The following DRC9 variants were observed in gnomAD, a reference collection of about 807,000 sequenced individuals.
DRC9 encodes dynein regulatory complex protein 9.
the DRC9 span, among the ~76,000 whole-genome samples, chr3:197,922,017 C>T: frequency 7.2e-6 from 1 of 139,036 alleles, no homozygotes; most frequent in African/African-American, 2.9e-5. Flanking sequence ...TCTTGGTCGA[C>T]CCGACTACTG....
chr3:197,933,975 TAAAAAA>T, the DRC9 span, among the ~76,000 whole-genome samples: 1 of 109,512 alleles, frequency 9.1e-6, no homozygotes, highest in African/African-American at 3.4e-5. Context: ...CTCACCCAGC[TAAAAAA>T]AAAAAAAAAA....
the DRC9 span, among the ~76,000 whole-genome samples, chr3:197,935,690 C>A: frequency 1.3e-5 from 2 of 151,768 alleles, no homozygotes; most frequent in Non-Finnish European, 2.9e-5. Context: ...GCTATGTTGC[C>A]CAGGCTGGTC....
the DRC9 span, among the ~76,000 whole-genome samples, chr3:197,890,360 G>C: frequency 6.6e-6 from 1 of 151,640 alleles, no homozygotes; most frequent in Non-Finnish European, 1.5e-5. Flanking sequence ...AGCAGAGATT[G>C]CGCCACTGCA....
chr3:197,946,759 G>A, the DRC9 span, among the ~76,000 whole-genome samples: 4 of 152,150 alleles, frequency 2.6e-5, no homozygotes, highest in Admixed American at 1.3e-4. Context: ...CTAGCCAAAT[G>A]TCCTGATGCA....
At chr3:197,894,632 AAATTT>A in the DRC9 span, 1 of 152,216 alleles carries the variant, frequency 6.6e-6, no homozygotes, top group Admixed American at 6.5e-5. Flanking sequence ...TAGAAACAAA[AAATTT>A]AAAGGTTACC....
the DRC9 span, among the ~76,000 whole-genome samples, chr3:197,934,805 A>C: frequency 6.0e-3 from 372 of 62,292 alleles, no homozygotes; most frequent in South Asian, 7.3e-3. Flanking sequence ...CCCTCCCCCC[A>C]CCCCATCTCA....
chr3:197,943,898 C>T, the DRC9 span: 1 of 1,614,148 alleles, frequency 6.2e-7, no homozygotes, highest in Non-Finnish European at 8.5e-7. Context: ...GGGACAGTGG[C>T]TCTAGAGTTT....
chr3:197,913,853 G>A, the DRC9 span: 1 of 1,612,034 alleles, frequency 6.2e-7, no homozygotes, highest in Non-Finnish European at 8.5e-7. Context: ...CCATCTCCTG[G>A]GTTCTTGGCT....
the DRC9 span, chr3:197,958,402 A>C: frequency 1.3e-5 from 2 of 152,256 alleles, no homozygotes; most frequent in Non-Finnish European, 2.9e-5. Context: ...TTTCAGTCTC[A>C]AATGGAGAAT....
chr3:197,891,522 A>G, the DRC9 span: 26 of 1,598,204 alleles, frequency 1.6e-5, no homozygotes, highest in African/African-American at 1.6e-4. Flanking sequence ...ACGATCTTCA[A>G]TGATGACCTG....
chr3:197,934,506 G>A, the DRC9 span, among the ~76,000 whole-genome samples: 2 of 152,168 alleles, frequency 1.3e-5, no homozygotes, highest in Admixed American at 6.5e-5. Context: ...TTTTCGAGAT[G>A]AGTAAACCAG....
At chr3:197,917,704 C>T in the DRC9 span, among the ~76,000 whole-genome samples, 1 of 151,782 alleles carries the variant, frequency 6.6e-6, no homozygotes, top group Non-Finnish European at 1.5e-5. Flanking sequence ...ACGCACTTCC[C>T]TTCTCCCCTG....
the DRC9 span, among the ~76,000 whole-genome samples, chr3:197,898,310 A>G: frequency 3.3e-5 from 5 of 152,246 alleles, no homozygotes; most frequent in East Asian, 9.6e-4. Flanking sequence ...TAAGCATTAT[A>G]TATCAGATCC....
chr3:197,914,621 A>G, the DRC9 span, among the ~76,000 whole-genome samples: 17 of 152,342 alleles, frequency 1.1e-4, no homozygotes, highest in East Asian at 2.9e-3. Context: ...AAAATTGTGG[A>G]GATCTAAACA....
chr3:197,940,308 C>CATATAT, the DRC9 span, among the ~76,000 whole-genome samples: 10 of 146,348 alleles, frequency 6.8e-5, no homozygotes, highest in African/African-American at 1.7e-4. Flanking sequence ...TAAAAATTTA[C>CATATAT]ATATATATAT....
At chr3:197,935,728 C>T in the DRC9 span, among the ~76,000 whole-genome samples, 4 of 151,886 alleles carry the variant, frequency 2.6e-5, no homozygotes, top group Non-Finnish European at 4.4e-5. Context: ...AGCACTCCTC[C>T]CACTTCAGCC....
the DRC9 span, among the ~76,000 whole-genome samples, chr3:197,946,333 G>A: frequency 1.3e-5 from 2 of 149,374 alleles, no homozygotes; most frequent in African/African-American, 5.0e-5. Flanking sequence ...TACTCGGGAG[G>A]CTGAGGCAGG....
the DRC9 span, chr3:197,926,083 T>C: frequency 1.3e-6 from 2 of 1,571,260 alleles, no homozygotes; most frequent in African/African-American, 1.3e-5. Flanking sequence ...AGTGATATTA[T>C]CTGTTTTCTT....
the DRC9 span, chr3:197,960,155 G>C: frequency 7.3e-7 from 1 of 1,377,446 alleles, no homozygotes; most frequent in East Asian, 2.4e-5. Context: ...TCCGCCGGCT[G>C]GGCCCTCCGT....
Sources: gnomAD v4.1 joint callset for allele counts (sites outside exome capture counted in the v4.1 genomes callset) on GRCh38, gnomAD v4.1.1 for gene constraint, MANE v1.5 for transcripts, NCBI Gene and HGNC (gene_info 2026-07-23, HGNC 2026-07-21) for gene names.